Variants in FRMD6 observed in about 807,000 individuals in gnomAD.
The protein encoded by FRMD6 is FERM domain containing 6, also known as FERM domain-containing protein 6.
In FRMD6, 37 loss-of-function variants were observed where a neutral mutation model predicts 73.2. That is an observed-to-expected ratio of 0.51 (90% CI 0.39 to 0.66). FRMD6 has a LOEUF of 0.66. FRMD6 is among the 30% of genes least tolerant of loss of function. FRMD6 has a pLI of 0.00. For missense variants in FRMD6, 714 were observed against 780.5 expected (o/e 0.91, Z 1.02); for synonymous variants, 273 against 282.2 (o/e 0.97, Z 0.33).
chr14:51,639,260 C>T (rs1891714042), intron 2 of FRMD6, among the ~76,000 whole-genome samples: 1 of 151,964 alleles, frequency 6.6e-6, no homozygotes, highest in African/African-American at 2.4e-5. Context: ...ACGGTGAAAC[C>T]CTGTCTCTAC....
the FRMD6 span, among the ~76,000 whole-genome samples, chr14:51,477,737 C>CTTTTT: frequency 3.0e-5 from 4 of 134,172 alleles, no homozygotes; most frequent in African/African-American, 8.3e-5. Context: ...TTTTCTTTTT[C>CTTTTT]TTTTTTTTTT....
At chr14:51,425,208 C>G in the FRMD6 span, among the ~76,000 whole-genome samples, 1 of 152,176 alleles carries the variant, frequency 6.6e-6, no homozygotes, top group African/African-American at 2.4e-5. Flanking sequence ...GCCACCCAAT[C>G]TCATTCCCTG....
chr14:51,597,996 A>T (rs940343608), intron 2 of FRMD6, among the ~76,000 whole-genome samples: 1 of 152,210 alleles, frequency 6.6e-6, no homozygotes, highest in Non-Finnish European at 1.5e-5. Context: ...TGCTGTTAAT[A>T]TGAATATGGA....
chr14:51,611,691 T>C (rs1398931302), intron 2 of FRMD6, among the ~76,000 whole-genome samples: 1 of 152,182 alleles, frequency 6.6e-6, no homozygotes, highest in Non-Finnish European at 1.5e-5. Context: ...ATGCTGTCAG[T>C]CTGGGGCTCA....
chr14:51,568,777 A>G (rs1460374610), intron 1 of FRMD6, among the ~76,000 whole-genome samples: 1 of 152,142 alleles, frequency 6.6e-6, no homozygotes, highest in Admixed American at 6.5e-5. Context: ...TGATTGCCTG[A>G]CCAAAGGAAA....
chr14:51,728,125 C>T lies in FRMD6; in HGVS notation c.*96C>T, dbSNP rs762645145. ...CATATTACTTGTGCCATATCTTCTTCACCCTAAACATAGCTCTTTCTTTAT... is the reference window on the plus strand; with the variant it reads ...CATATTACTTGTGCCATATCTTCTTTACCCTAAACATAGCTCTTTCTTTAT... On this transcript the variant is annotated 3_prime_UTR_variant, in exon 14 of 14. Transcript: ENST00000344768. The T allele has an allele frequency of 1.8e-6, 2 of 1,097,444 alleles. No individual in the cohort carries two copies. The highest frequency in any genetic ancestry group is 1.3e-6 in the Non-Finnish European group (1 of 772,170). 68.0% of individuals were successfully genotyped at this position (1,097,444 alleles called of 1,614,324 possible).
At chr14:51,622,824 G>C (rs1234156944) in intron 2 of FRMD6, among the ~76,000 whole-genome samples, 1 of 152,166 alleles carries the variant, frequency 6.6e-6, no homozygotes, top group East Asian at 1.9e-4. Context: ...AGAGTGCAGT[G>C]GCACAGTCTT....
At chr14:51,667,146 G>GA (rs537702324) in intron 1 of FRMD6, among the ~76,000 whole-genome samples, 101 of 146,654 alleles carry the variant, frequency 6.9e-4, no homozygotes, top group African/African-American at 1.8e-3. Flanking sequence ...CTGTCTCAAA[G>GA]AAAAAAAAAA....
At chr14:51,713,131 A>G (rs950035275) in intron 9 of FRMD6, among the ~76,000 whole-genome samples, 3 of 152,084 alleles carry the variant, frequency 2.0e-5, no homozygotes, top group African/African-American at 7.2e-5. Flanking sequence ...TCAAAGAATT[A>G]TAGTTAATAA....
intron 2 of FRMD6, among the ~76,000 whole-genome samples, chr14:51,571,238 G>T (rs1224578089): frequency 6.6e-6 from 1 of 152,164 alleles, no homozygotes; most frequent in Non-Finnish European, 1.5e-5. Flanking sequence ...AATTAGCCAG[G>T]CCTGGTGGCA....
At chr14:51,604,317 T>C (rs1176996345) in intron 2 of FRMD6, among the ~76,000 whole-genome samples, 2 of 152,152 alleles carry the variant, frequency 1.3e-5, no homozygotes, top group Non-Finnish European at 2.9e-5. Flanking sequence ...AGCTCTGGCC[T>C]TGTGGTGGGT....
the FRMD6 span, chr14:51,437,013 T>C: frequency 1.5e-6 from 1 of 655,176 alleles, no homozygotes. Flanking sequence ...TATACTTAAG[T>C]TCTGGGATAC....
the FRMD6 span, among the ~76,000 whole-genome samples, chr14:51,437,753 C>G: frequency 6.6e-6 from 1 of 152,030 alleles, no homozygotes; most frequent in South Asian, 2.1e-4. Flanking sequence ...GGAGAAATAC[C>G]TTGAGCAGAA....
chr14:51,464,651 T>C, the FRMD6 span, among the ~76,000 whole-genome samples: 1 of 152,038 alleles, frequency 6.6e-6, no homozygotes, highest in African/African-American at 2.4e-5. Context: ...TTCTCCATAA[T>C]AGTGAAAGAT....
the FRMD6 span, among the ~76,000 whole-genome samples, chr14:51,462,743 CAAAAT>C: frequency 1.3e-5 from 2 of 148,286 alleles, no homozygotes; most frequent in Non-Finnish European, 1.5e-5. Context: ...GATCAAGTGT[CAAAAT>C]AAAATAAAGA....
In FRMD6 at chr14:51,589,654, G is replaced by C. The variant is rs140391942; in HGVS notation, c.-147+19244G>C. On this transcript the variant is annotated intron_variant, in intron 2 of 14. Transcript: ENST00000356218. ...CCCTCTGGTTCTGGAATTGGGGACA[G>C]GAAGTAGCTCTGAGTTCAAATAGAG... 6.5e-3 allele frequency among the ~76,000 whole-genome samples: 993 copies of C among 151,950 alleles called. 1 individual carries two copies. Among genetic ancestry groups the C allele is most frequent in the Middle Eastern group, 0.014 (4 of 294 alleles).
intron 1 of FRMD6, among the ~76,000 whole-genome samples, chr14:51,545,661 AAAGC>A (rs1886430549): frequency 6.6e-6 from 1 of 152,202 alleles, no homozygotes; most frequent in South Asian, 2.1e-4. Flanking sequence ...TAGTTTATGT[AAAGC>A]GCTTTTCATA....
intron 1 of FRMD6, among the ~76,000 whole-genome samples, chr14:51,523,998 T>C (rs1008945598): frequency 7.2e-5 from 11 of 152,248 alleles, no homozygotes; most frequent in African/African-American, 2.7e-4. Flanking sequence ...TCCAGAACAA[T>C]GCAGGGTATG....
the FRMD6 span, among the ~76,000 whole-genome samples, chr14:51,433,921 T>C: frequency 6.6e-6 from 1 of 152,246 alleles, no homozygotes; most frequent in Non-Finnish European, 1.5e-5. Flanking sequence ...AAGACTACTG[T>C]ATGCAAGTAT....
Sources: gnomAD v4.1 joint callset for allele counts (sites outside exome capture counted in the v4.1 genomes callset) on GRCh38, gnomAD v4.1.1 for gene constraint, MANE v1.5 for transcripts, NCBI Gene and HGNC (gene_info 2026-07-23, HGNC 2026-07-21) for gene names.